AP4E1: variants seen among roughly 807,000 people sequenced by gnomAD.
The protein encoded by AP4E1 is AP-4 complex subunit epsilon-1.
In AP4E1, 56 loss-of-function variants were observed where a neutral mutation model predicts 128.2. That is an observed-to-expected ratio of 0.44 (90% CI 0.35 to 0.55). The LOEUF (loss-of-function observed/expected upper bound fraction) is 0.55, where lower values mean the gene tolerates loss of function less well. AP4E1 is among the 20% of genes least tolerant of loss of function. The pLI, the probability that AP4E1 is intolerant of heterozygous loss-of-function variation, is 0.00. For missense variants in AP4E1, 1,324 were observed against 1,307.7 expected, an observed-to-expected ratio of 1.01 and a Z score of -0.19; for synonymous variants, 484 against 473.1, an observed-to-expected ratio of 1.02 and a Z score of -0.30.
In AP4E1 at chr15:50,997,719, A is replaced by G. The variant is rs755478140; in HGVS notation, c.2740A>G (p.Ile914Val). Residue 914 changes from isoleucine to valine, a missense_variant, in exon 18 of 21, where the codon ATA becomes GTA. By Grantham distance (29) the Ile-to-Val change is conservative. Transcript: ENST00000261842. The part of the protein sequence containing the change: ...SSFLEETTEY[I>V]HSNAMEVCNN... ...TTTTTTGGAAGAAACTACTGAATAC[A>G]TACACTCAAATGCTATGGAAGTCTG... The G allele has an allele frequency of 1.2e-6, 2 of 1,614,030 alleles. No homozygotes were observed. Among genetic ancestry groups the G allele is most frequent in the Admixed American group, 1.7e-5 (1 of 60,022 alleles).
In AP4E1 at chr15:50,955,019, G is replaced by A. The variant is rs1057281324; in HGVS notation, c.1549-3473G>A. On this transcript the variant is annotated intron_variant, in intron 13 of 20. Coordinates refer to ENST00000261842, the MANE Select transcript of AP4E1 (RefSeq NM_007347.5). ...TCATCCATGTCCCTACAAAGGACGC[G>A]AACTCATCCTTTTTATGGCTGCATA... Among the ~76,000 whole-genome samples the A allele has an allele frequency of 4.6e-5, 7 of 152,270 alleles. No homozygotes were observed. In the East Asian group the frequency reaches 1.2e-3, roughly 25 times the overall value.
chr15:50,959,236 A>T (rs2140879226), intron 14 of AP4E1, among the ~76,000 whole-genome samples: 1 of 152,310 alleles, frequency 6.6e-6, no homozygotes, highest in East Asian at 1.9e-4. Flanking sequence ...GATTCAATCT[A>T]AAAAGATCTT....
Position 50,984,116 on chromosome 15 carries a change from T to C in AP4E1, c.2061T>C (p.Ser687=). 1 of 1,613,434 alleles carries C rather than the reference T, an allele frequency of 6.2e-7. No homozygotes were observed. The highest frequency in any genetic ancestry group is 1.7e-4 in the Middle Eastern group (1 of 6,056). ...PAGISLGSDV[S]GNSAETGLKE... is the part of the protein sequence containing the mutation. ...GCATTTCTCTTGGTTCAGATGTATCTGGGAATAGTGCTGAGACAGGACTGA... is the reference window on the plus strand; with the variant it reads ...GCATTTCTCTTGGTTCAGATGTATCCGGGAATAGTGCTGAGACAGGACTGA... Residue 687 remains serine, a synonymous_variant, in exon 16 of 21, where the codon TCT becomes TCC. Transcript: ENST00000261842.
At chr15:50,991,581 G>A (rs554499878) in intron 16 of AP4E1, among the ~76,000 whole-genome samples, 156 of 152,034 alleles carry the variant, frequency 1.0e-3, no homozygotes, top group Non-Finnish European at 1.7e-3. Context: ...TTAGAACCTG[G>A]AGGAAGAAAG....
At chr15:50,976,600 A>G (rs948623793) in intron 15 of AP4E1, among the ~76,000 whole-genome samples, 13 of 152,242 alleles carry the variant, frequency 8.5e-5, no homozygotes, top group African/African-American at 2.9e-4. Context: ...TGCAGATAAT[A>G]TGGTTTTATT....
At chr15:50,978,485 C>T (rs1039698028) in intron 15 of AP4E1, among the ~76,000 whole-genome samples, 1 of 152,026 alleles carries the variant, frequency 6.6e-6, no homozygotes. Context: ...AATTGCAGTA[C>T]AAAGTATGAT....
At position 50,941,551 on chromosome 15, in the gene AP4E1, T is replaced by A; in HGVS notation, c.1053T>A (p.Asn351Lys). 1.9e-6 allele frequency: 3 copies of A among 1,612,894 alleles called. No individual in the cohort carries two copies. The highest frequency in any genetic ancestry group is 1.7e-4 in the Middle Eastern group (1 of 6,052). ...IGKFVLSPKI[N>K]LKYLGLKALT... The stretch of plus-strand genomic sequence containing the variant: ...AATTTGTTCTGTCACCTAAAATAAA[T>A]CTAAAATATTTAGGTAAGATGATTG... The change falls in exon 9 of 21, where the codon AAT becomes AAA. Residue 351 changes from asparagine (N) to lysine (K), a missense_variant. By Grantham distance (94) the Asn-to-Lys change is moderately conservative (BLOSUM62 0). Transcript: ENST00000261842.
In AP4E1 at chr15:50,941,752, C is replaced by T; in HGVS notation, c.1153C>T (p.Pro385Ser). The stretch of plus-strand genomic sequence containing the variant: ...GACAATAATTGAATGTTTAGATCAT[C>T]CTGATCCCATTATTAAAAGAGAGGT... ...QMTIIECLDHPDPIIKRETLE... is the reference protein window; with the variant it reads ...QMTIIECLDHSDPIIKRETLE... The change falls in exon 10 of 21, where the codon CCT becomes TCT. Residue 385 changes from proline (P) to serine (S), a missense_variant. Coordinates refer to ENST00000261842, the MANE Select transcript of AP4E1 (RefSeq NM_007347.5). 1 of 1,610,338 alleles carries T rather than the reference C, an allele frequency of 6.2e-7. No homozygotes were observed. Among genetic ancestry groups the T allele is most frequent in the East Asian group, 2.2e-5 (1 of 44,804 alleles).
At chr15:50,979,524 T>TTTTTC (rs984828094) in intron 15 of AP4E1, among the ~76,000 whole-genome samples, 33 of 152,296 alleles carry the variant, frequency 2.2e-4, no homozygotes, top group African/African-American at 7.2e-4. Flanking sequence ...AATAAATTTC[T>TTTTTC]TTTTCTTTTC....
At chr15:50,941,106 G>A (rs530100488) in intron 8 of AP4E1, among the ~76,000 whole-genome samples, 37 of 152,068 alleles carry the variant, frequency 2.4e-4, no homozygotes, top group Non-Finnish European at 4.1e-4. Flanking sequence ...ACTCCTTGAG[G>A]GCAGGATGTT....
chr15:50,917,667 G>A (rs1368694522), intron 3 of AP4E1, among the ~76,000 whole-genome samples: 1 of 152,204 alleles, frequency 6.6e-6, no homozygotes, highest in Non-Finnish European at 1.5e-5. Context: ...GATAAGATGA[G>A]TGCCCACTGT....
intron 17 of AP4E1, among the ~76,000 whole-genome samples, chr15:50,996,241 G>T (rs992430620): frequency 1.4e-5 from 2 of 146,566 alleles, no homozygotes; most frequent in Non-Finnish European, 3.0e-5. Flanking sequence ...CAAGTGATCC[G>T]CCTGCTTCAG....
intron 3 of AP4E1, among the ~76,000 whole-genome samples, chr15:50,923,068 C>T (rs1020584747): frequency 2.0e-5 from 3 of 152,174 alleles, no homozygotes; most frequent in Admixed American, 6.5e-5. Flanking sequence ...TGAGCCACCA[C>T]GCCCAGTCTT....
chr15:50,930,986 G>T lies in AP4E1; in HGVS notation c.869+15G>T, dbSNP rs749125427. 1 of 1,613,886 alleles carries T rather than the reference G, an allele frequency of 6.2e-7. No homozygotes were observed. Among genetic ancestry groups the T allele is most frequent in the Non-Finnish European group, 8.5e-7 (1 of 1,179,868 alleles). On this transcript the variant is annotated intron_variant, in intron 7 of 20. Coordinates refer to ENST00000261842, the MANE Select transcript of AP4E1 (RefSeq NM_007347.5). ...GATGATCAAAGGTAAACTATTTTCA[G>T]TAAGTTTGCTTAATGACCCCCATAC...
intron 7 of AP4E1, among the ~76,000 whole-genome samples, chr15:50,933,736 A>C (rs1006698418): frequency 1.3e-5 from 2 of 152,178 alleles, no homozygotes. Flanking sequence ...CATGCACTTA[A>C]CATTGAACTT....
At chr15:50,998,675 C>T (rs1265172405) in intron 18 of AP4E1, among the ~76,000 whole-genome samples, 2 of 152,012 alleles carry the variant, frequency 1.3e-5, no homozygotes, top group African/African-American at 2.4e-5. Flanking sequence ...AGACCAAACC[C>T]TTCCCAGTTG....
chr15:50,921,034 C>G (rs924692307), intron 3 of AP4E1, among the ~76,000 whole-genome samples: 2 of 151,192 alleles, frequency 1.3e-5, no homozygotes, highest in Non-Finnish European at 3.0e-5. Flanking sequence ...AACTCCTGAT[C>G]TCAGTTGATC....
intron 16 of AP4E1, among the ~76,000 whole-genome samples, chr15:50,991,962 CTTTTT>C (rs61161776): frequency 7.9e-6 from 1 of 126,558 alleles, no homozygotes; most frequent in Non-Finnish European, 1.7e-5. Context: ...ACACATAGTT[CTTTTT>C]TTTTTTTTTT....
chr15:50,942,803 C>A (rs1048113824), intron 10 of AP4E1, among the ~76,000 whole-genome samples: 4 of 151,392 alleles, frequency 2.6e-5, no homozygotes, highest in Non-Finnish European at 5.9e-5. Flanking sequence ...TGGAAGAAAT[C>A]ATTCAATATC....
Sources: gnomAD v4.1 joint callset for allele counts (sites outside exome capture counted in the v4.1 genomes callset) on GRCh38, gnomAD v4.1.1 for gene constraint, MANE v1.5 for transcripts, NCBI Gene and HGNC (gene_info 2026-07-23, HGNC 2026-07-21) for gene names.